PGLS: variants seen among roughly 807,000 people sequenced by gnomAD.
PGLS encodes epididymis secretory protein Li 304.
A neutral mutation model predicts 23.2 loss-of-function variants in PGLS; 21 were observed. The ratio of observed to expected loss-of-function variants is 0.91; its 90% CI spans 0.64 to 1.31. The LOEUF (loss-of-function observed/expected upper bound fraction) is 1.31, where lower values mean the gene tolerates loss of function less well. Ranked by LOEUF, PGLS falls within the 50% of genes most tolerant of loss-of-function variation. The pLI is 0.00. For missense variants in PGLS, 410 were observed against 354.0 expected (o/e 1.16, Z -1.27); for synonymous variants, 179 against 165.4 (o/e 1.08, Z -0.63).
At chr19:17,514,338 A>G (rs555256637) in intron 1 of PGLS, among the ~76,000 whole-genome samples, 2 of 152,214 alleles carry the variant, frequency 1.3e-5, no homozygotes, top group Admixed American at 6.6e-5. Flanking sequence ...TAAGGACGCC[A>G]GTCATTGGAT....
At chr19:17,519,041 C>T (rs527444246) in intron 4 of PGLS, among the ~76,000 whole-genome samples, 10 of 151,986 alleles carry the variant, frequency 6.6e-5, no homozygotes, top group African/African-American at 9.6e-5. Context: ...AGGCGGGGCG[C>T]GGTGGCTTAT....
chr19:17,520,169 G>C (rs1460828756), intron 4 of PGLS, among the ~76,000 whole-genome samples: 2 of 152,074 alleles, frequency 1.3e-5, no homozygotes, highest in Middle Eastern at 3.4e-3. Flanking sequence ...AATGCAAATA[G>C]TTACAGTGGG....
intron 1 of PGLS, chr19:17,512,176 G>T: frequency 1.9e-6 from 1 of 540,058 alleles, no homozygotes; most frequent in Non-Finnish European, 3.2e-6. Context: ...AGAGGGCCGC[G>T]CCCACCGGTT....
Position 17,517,328 on chromosome 19 carries a change from T to A in PGLS, c.437T>A (p.Ile146Asn). 2 of 1,614,038 alleles carry A rather than the reference T, an allele frequency of 1.2e-6. No individual in the cohort carries two copies. The highest frequency in any genetic ancestry group is 1.7e-6 in the Non-Finnish European group (2 of 1,179,952). ...GDSIPVFDLL[I>N]LGVGPDGHTC... ...TCCATCCCGGTTTTCGACCTGCTGA[T>A]CCTGGGGGTGGGCCCCGATGGTCAC... is the stretch of plus-strand genomic sequence containing the variant. Residue 146 changes from isoleucine (I) to asparagine (N), a missense_variant, in exon 3 of 5, where the codon ATC becomes AAC. Ile to Asn is a moderately radical substitution (Grantham distance 149). Transcript: ENST00000252603.
intron 1 of PGLS, among the ~76,000 whole-genome samples, chr19:17,514,131 C>A (rs1232730265): frequency 6.6e-6 from 1 of 152,176 alleles, no homozygotes; most frequent in Admixed American, 6.6e-5. Context: ...ATTCTCTCAC[C>A]GTTCTGGAGG....
In PGLS at chr19:17,521,116, C is replaced by T. The variant is rs748329554; in HGVS notation, c.*35C>T. 17 of 1,550,322 alleles carry T rather than the reference C, an allele frequency of 1.1e-5. No individual in the cohort carries two copies. The African/African-American group carries it at 1.2e-4, about 11-fold the overall frequency. ...GGGACGCCGCAGCTGGGACCAGGCA[C>T]GCGGCCCATGGGGCTGGGCCCCTGC... On this transcript the variant is annotated 3_prime_UTR_variant, in exon 5 of 5. Transcript: ENST00000252603.
chr19:17,515,528 C>T (rs1295595022), intron 1 of PGLS, among the ~76,000 whole-genome samples: 3 of 152,170 alleles, frequency 2.0e-5, no homozygotes, highest in Non-Finnish European at 4.4e-5. Context: ...GCGCTAGCCA[C>T]AGGTGCTGGG....
chr19:17,520,578 A>T (rs1472527777), intron 4 of PGLS: 6 of 159,144 alleles, frequency 3.8e-5, no homozygotes, highest in African/African-American at 9.7e-5. Context: ...AAAAAAAAAA[A>T]AACTTAGCCG....
Position 17,516,167 on chromosome 19 carries a change from C to T in PGLS, c.289-6C>T. The stretch of plus-strand genomic sequence containing the variant: ...GTTGGTGACATTGTCCCTCTGTTGG[C>T]TGCAGACGCATCTTCTCTCCAGACT... On this transcript the variant is annotated splice_polypyrimidine_tract_variant and splice_region_variant and intron_variant, in intron 1 of 4. Coordinates refer to ENST00000252603, the MANE Select transcript of PGLS (RefSeq NM_012088.3). The T allele has an allele frequency of 6.2e-7, 1 of 1,610,386 alleles. No homozygotes were observed. The highest frequency in any genetic ancestry group is 8.5e-7 in the Non-Finnish European group (1 of 1,176,694).
At chr19:17,517,241 C>A in intron 2 of PGLS, 47 bp from the exon 3 acceptor site, 1 of 1,205,172 alleles carries the variant, frequency 8.3e-7, no homozygotes, top group Non-Finnish European at 1.2e-6. Context: ...GTCTCCCCTG[C>A]CCCTGCCACC....
chr19:17,520,913 C>T, intron 4 of PGLS, 31 bp from the exon 5 acceptor site: 2 of 1,548,742 alleles, frequency 1.3e-6, no homozygotes, highest in Non-Finnish European at 1.7e-6. Flanking sequence ...GGGCCGCAGG[C>T]AGGGCCTTAC....
chr19:17,520,020 C>T (rs73020484), intron 4 of PGLS, among the ~76,000 whole-genome samples: 9,140 of 152,116 alleles, frequency 0.06, 353 homozygotes, highest in Non-Finnish European at 0.078. Flanking sequence ...GGGCACAGTG[C>T]CATGTGCCTG....
At chr19:17,516,019 C>T in intron 1 of PGLS, 154 bp from the exon 2 acceptor site, 1 of 586,732 alleles carries the variant, frequency 1.7e-6, no homozygotes, top group Non-Finnish European at 3.1e-6. Context: ...AAGTGTCACT[C>T]ACCAACCGAA....
chr19:17,518,725 T>G (rs1418617416), intron 4 of PGLS: 1 of 151,954 alleles, frequency 6.6e-6, no homozygotes, highest in Non-Finnish European at 1.5e-5. Flanking sequence ...GAGAGGGGGT[T>G]TCACCATGTT....
Position 17,521,135 on chromosome 19 carries a change from C to A in PGLS, c.*54C>A. On this transcript the variant is annotated 3_prime_UTR_variant, in exon 5 of 5. Coordinates refer to ENST00000252603, the MANE Select transcript of PGLS (RefSeq NM_012088.3). Reference sequence around the variant, plus strand: ...CAGGCACGCGGCCCATGGGGCTGGGCCCCTGCTGGCCGCCACTCTCCGGGC... The same window carrying A: ...CAGGCACGCGGCCCATGGGGCTGGGACCCTGCTGGCCGCCACTCTCCGGGC... 6.8e-7 allele frequency: 1 copy of A among 1,462,140 alleles called. No homozygotes were observed. The highest frequency in any genetic ancestry group is 2.5e-5 in the Admixed American group (1 of 39,428). The allele number at this position is 1,462,140 out of a possible 1,614,324, so 90.6% of individuals were successfully genotyped here.
At chr19:17,516,632 T>A (rs1010923312) in intron 2 of PGLS, 2 of 547,352 alleles carry the variant, frequency 3.7e-6, no homozygotes, top group Non-Finnish European at 4.7e-6. Context: ...TCGCCCAGGC[T>A]GGAGTGCAGT....
rs767266670 is a variant in PGLS, at chr19:17,521,088, A to G, written c.*7A>G. 1 of 1,591,622 alleles carries G rather than the reference A, an allele frequency of 6.3e-7. No homozygotes were observed. The highest frequency in any genetic ancestry group is 1.1e-5 in the South Asian group (1 of 88,228). ...GAAGCATTCCACTTTGTAGCTGGCCAGAGGGACGCCGCAGCTGGGACCAGG... is the reference window on the plus strand; with the variant it reads ...GAAGCATTCCACTTTGTAGCTGGCCGGAGGGACGCCGCAGCTGGGACCAGG... On this transcript the variant is annotated 3_prime_UTR_variant, in exon 5 of 5. Coordinates refer to ENST00000252603, the MANE Select transcript of PGLS (RefSeq NM_012088.3).
At chr19:17,516,968 T>G (rs2075536317) in intron 2 of PGLS, among the ~76,000 whole-genome samples, 1 of 150,974 alleles carries the variant, frequency 6.6e-6, no homozygotes, top group South Asian at 2.1e-4. Flanking sequence ...CACTGCAACC[T>G]CTGCCTCCCG....
At chr19:17,519,973 G>T (rs921633177) in intron 4 of PGLS, among the ~76,000 whole-genome samples, 1 of 151,996 alleles carries the variant, frequency 6.6e-6, no homozygotes, top group Non-Finnish European at 1.5e-5. Context: ...TGGCAACATA[G>T]CAAGACCCTG....
Sources: gnomAD v4.1 joint callset for allele counts (sites outside exome capture counted in the v4.1 genomes callset) on GRCh38, gnomAD v4.1.1 for gene constraint, MANE v1.5 for transcripts, NCBI Gene and HGNC (gene_info 2026-07-23, HGNC 2026-07-21) for gene names.